Variants in IL16 observed in about 807,000 individuals in gnomAD.
IL16 encodes pro-interleukin-16.
IL16 carries 67 observed loss-of-function variants against 110.1 expected under a neutral mutation model. That is an observed-to-expected ratio of 0.61 (90% CI 0.50 to 0.75). The LOEUF is 0.75. Among genes scored for constraint, IL16 ranks in the 30% least tolerant of loss-of-function variants. The pLI is 0.00. For synonymous variants in IL16, 689 were observed against 662.9 expected, an observed-to-expected ratio of 1.04 and a Z score of -0.61; for missense variants, 1,545 against 1,655.0, an observed-to-expected ratio of 0.93 and a Z score of 1.15.
chr15:81,252,830 A>C (rs1200265275), intron 2 of IL16, among the ~76,000 whole-genome samples: 1 of 152,144 alleles, frequency 6.6e-6, no homozygotes, highest in Non-Finnish European at 1.5e-5. Context: ...TTTAATTGGC[A>C]ATCTTCTATT....
chr15:81,299,970 C>T lies in IL16; in HGVS notation c.2644C>T (p.Arg882Trp), dbSNP rs141838039. The stretch of plus-strand genomic sequence containing the variant: ...ACCTCTTGGGAAGCATGAGGAAGGA[C>T]GGTTTTCTGGACTCTTGGGGCGAGG... ...AKPLGKHEEG[R>W]FSGLLGRGAA... is the part of the protein sequence containing the mutation. Residue 882 changes from arginine to tryptophan, a missense_variant, in exon 14 of 19, where the codon CGG (arginine) becomes TGG (tryptophan). Physicochemically the swap from Arg to Trp is moderately radical, Grantham distance 101 (BLOSUM62 -3). This residue lies in a region of IL16 where 1,185 missense variants were observed against 1,238.8 expected (regional missense o/e 0.96). Coordinates refer to ENST00000683961, the MANE Select transcript of IL16 (RefSeq NM_172217.5). 4,637 of 1,607,350 alleles carry T rather than the reference C, an allele frequency of 2.9e-3. 12 individuals carry two copies. Among genetic ancestry groups the T allele is most frequent in the Non-Finnish European group, 3.6e-3 (4,216 of 1,176,358 alleles).
intron 1 of IL16, among the ~76,000 whole-genome samples, chr15:81,211,651 G>A (rs1435205047): frequency 2.0e-5 from 3 of 152,164 alleles, no homozygotes; most frequent in Admixed American, 6.5e-5. Flanking sequence ...GCCTCCCAAA[G>A]TGCTAGAATT....
At chr15:81,282,832 T>C in intron 9 of IL16, 76 bp downstream of exon 9, 2 of 1,113,986 alleles carry the variant, frequency 1.8e-6, no homozygotes, top group Admixed American at 1.7e-5. Flanking sequence ...TGTCGGGAGA[T>C]TGATTTGGAC....
intron 1 of IL16, among the ~76,000 whole-genome samples, chr15:81,224,263 G>T (rs72744141): frequency 2.0e-5 from 3 of 152,168 alleles, no homozygotes; most frequent in Non-Finnish European, 4.4e-5. Flanking sequence ...CTGGATGTGC[G>T]CAAACAGCAG....
At chr15:81,305,545 G>A (rs1221795963) in intron 16 of IL16, among the ~76,000 whole-genome samples, 13 of 151,984 alleles carry the variant, frequency 8.6e-5, no homozygotes, top group East Asian at 3.9e-4. Flanking sequence ...CACAATACCC[G>A]TTAATATGCC....
intron 2 of IL16, among the ~76,000 whole-genome samples, chr15:81,244,418 T>A (rs1897463179): frequency 1.3e-5 from 2 of 152,126 alleles, no homozygotes; most frequent in African/African-American, 4.8e-5. Context: ...CATCTCAGAA[T>A]CTCTTAATTT....
chr15:81,185,929 G>A (rs142124092), intron 1 of IL16, among the ~76,000 whole-genome samples: 335 of 152,362 alleles, frequency 2.2e-3, no homozygotes, highest in African/African-American at 7.4e-3. Context: ...GCCACTGTGA[G>A]TTTTTTAAGT....
chr15:81,259,629 T>C (rs776808192), intron 2 of IL16, 143 bp from the exon 3 acceptor site: 7 of 590,066 alleles, frequency 1.2e-5, no homozygotes, highest in Non-Finnish European at 2.1e-5. Flanking sequence ...TGATTCTAAA[T>C]CCCTGCTCTT....
intron 1 of IL16, among the ~76,000 whole-genome samples, chr15:81,189,120 ATT>A (rs34519204): frequency 0.042 from 5,314 of 126,714 alleles, 177 homozygotes; most frequent in East Asian, 0.24. Context: ...TGCCAAGATA[ATT>A]TTTTTTTTTT....
chr15:81,285,561 G>A (rs972201201), intron 9 of IL16, 137 bp from the exon 10 acceptor site: 22 of 856,170 alleles, frequency 2.6e-5, no homozygotes, highest in Non-Finnish European at 3.8e-5. Context: ...TTGGTCTGGT[G>A]GCTAGTGGGG....
chr15:81,214,649 T>C (rs1378273167), intron 1 of IL16, among the ~76,000 whole-genome samples: 1 of 152,134 alleles, frequency 6.6e-6, no homozygotes, highest in Non-Finnish European at 1.5e-5. Flanking sequence ...TCTATATTTC[T>C]CATATTTGCA....
chr15:81,289,751 G>A (rs1049622524), intron 10 of IL16, among the ~76,000 whole-genome samples: 1 of 152,174 alleles, frequency 6.6e-6, no homozygotes, highest in Non-Finnish European at 1.5e-5. Flanking sequence ...TCAATCTGTT[G>A]ATGATGTCCT....
intron 3 of IL16, among the ~76,000 whole-genome samples, chr15:81,260,587 T>G (rs979717560): frequency 2.6e-5 from 4 of 152,222 alleles, no homozygotes; most frequent in Non-Finnish European, 4.4e-5. Flanking sequence ...ATTCTCAGGT[T>G]TTCACTAGTC....
intron 2 of IL16, among the ~76,000 whole-genome samples, chr15:81,242,486 T>G (rs1475916721): frequency 2.6e-5 from 4 of 152,186 alleles, no homozygotes; most frequent in African/African-American, 4.8e-5. Flanking sequence ...GTATTTTGCT[T>G]TCTTTTGAGT....
intron 8 of IL16, among the ~76,000 whole-genome samples, chr15:81,281,340 T>C (rs980002645): frequency 6.6e-6 from 1 of 152,234 alleles, no homozygotes; most frequent in African/African-American, 2.4e-5. Flanking sequence ...TCCTCCTTGC[T>C]GACAGCTCCT....
At chr15:81,239,029 T>G (rs1897265156) in intron 2 of IL16, among the ~76,000 whole-genome samples, 1 of 151,926 alleles carries the variant, frequency 6.6e-6, no homozygotes. Flanking sequence ...ACAGGTAATG[T>G]GTCATCTTTT....
rs1897081300 is a variant in IL16 at position 81,233,486 on chromosome 15, T to TGC, written c.312+7776_312+7777insCG. The stretch of plus-strand genomic sequence containing the variant: ...GTGTGTGTGTGTGTGTGTGTGTGTG[T>TGC]GTGTGTGTGTCTTGATTGATTCCTA... On this transcript the variant is annotated intron_variant, in intron 2 of 18. Transcript: ENST00000683961. Among the ~76,000 whole-genome samples, 13 of 149,104 alleles carry TGC rather than the reference T, an allele frequency of 8.7e-5. No individual in the cohort carries two copies. The South Asian group carries it at 2.7e-3, about 31-fold the overall frequency.
rs1032817012 is a variant in IL16, at chr15:81,313,067, C to T, written c.*4269C>T. ...CATGAATGGCTCATCACACGCCAAC[C>T]CTGAGTGGGGCAGGAGGCAGGAAGG... On this transcript the variant is annotated 3_prime_UTR_variant, in exon 19 of 19. Coordinates refer to ENST00000683961, the MANE Select transcript of IL16 (RefSeq NM_172217.5). 3.6e-6 allele frequency: 2 copies of T among 560,676 alleles called. No individual in the cohort carries two copies. The highest frequency in any genetic ancestry group is 2.0e-5 in the African/African-American group (1 of 50,882). The allele number at this position is 560,676 out of a possible 1,614,324, so 34.7% of individuals were successfully genotyped here.
intron 1 of IL16, among the ~76,000 whole-genome samples, chr15:81,210,087 TAGCCA>T (rs1896182153): frequency 2.0e-5 from 3 of 152,252 alleles, no homozygotes; most frequent in Admixed American, 2.0e-4. Flanking sequence ...AGCATATGGC[TAGCCA>T]GTTTATCCAG....
Sources: allele counts gnomAD v4.1 joint callset (sites outside exome capture counted in the v4.1 genomes callset), GRCh38; gene constraint gnomAD v4.1.1; regional missense constraint gnomAD v4.1.1; transcripts MANE v1.5; gene names NCBI Gene and HGNC (gene_info 2026-07-23, HGNC 2026-07-21).